RNF187: variants seen among roughly 807,000 people sequenced by gnomAD.
RNF187 encodes the protein ring finger protein 187, also known as E3 ubiquitin-protein ligase RNF187.
In RNF187, 18 loss-of-function variants were observed where a neutral mutation model predicts 22.2. The ratio of observed to expected loss-of-function variants is 0.81; its 90% CI spans 0.56 to 1.20. The LOEUF (loss-of-function observed/expected upper bound fraction) is 1.20. RNF187 is among the 50% of genes most tolerant of loss of function. The pLI is 0.00. For synonymous variants in RNF187, 164 were observed against 140.9 expected (o/e 1.16, Z -1.16); for missense variants, 329 against 317.6 (o/e 1.04, Z -0.27).
At position 228,493,075 on chromosome 1, in the gene RNF187, A is replaced by C; in HGVS notation, c.506A>C (p.Lys169Thr). ...CAGGGACACGTGATGGACCGTAGGA[A>C]GAAGGCACTGACCGACTACAAGAAG... The change falls in exon 3 of 4, where the codon AAG becomes ACG. Residue 169 changes from lysine to threonine, a missense_variant. Coordinates refer to ENST00000305943, the MANE Select transcript of RNF187 (RefSeq NM_001010858.3). This position sits in a 1 kb window ranked among gnomAD's most constrained non-coding sequence, Gnocchi z 4.7. The C allele has an allele frequency of 6.4e-7, 1 of 1,550,756 alleles. No homozygotes were observed. The highest frequency in any genetic ancestry group is 1.2e-5 in the South Asian group (1 of 83,982).
chr1:228,493,288 G>T lies in RNF187; in HGVS notation c.705+14G>T. ...ATGCTGCTGCAGGTGCGGGAGCCCC[G>T]CTGGGTCTGCCCACCATCGGGCCAG... On this transcript the variant is annotated intron_variant, in intron 3 of 3. Coordinates refer to ENST00000305943, the MANE Select transcript of RNF187 (RefSeq NM_001010858.3). The surrounding 1 kb of genome is among the most constrained non-coding windows in gnomAD (Gnocchi z 4.7). The T allele has an allele frequency of 1.3e-6, 2 of 1,546,090 alleles. No homozygotes were observed. The highest frequency in any genetic ancestry group is 1.7e-6 in the Non-Finnish European group (2 of 1,144,786).
chr1:228,492,915 G>T, intron 2 of RNF187, 138 bp from the exon 3 acceptor site: 1 of 946,348 alleles, frequency 1.1e-6, no homozygotes, highest in Non-Finnish European at 1.6e-6. Context: ...GAGCCACTGT[G>T]CCTGGCCTAA....
At position 228,493,678 on chromosome 1, in the gene RNF187, C is replaced by A; in HGVS notation, c.706-205C>A. Among the ~76,000 whole-genome samples the A allele has an allele frequency of 2.4e-3, 370 of 152,302 alleles. 3 individuals carry two copies. Among genetic ancestry groups the A allele is most frequent in the African/African-American group, 8.3e-3 (347 of 41,572 alleles). The stretch of plus-strand genomic sequence containing the variant: ...AGATGGCCCTGAACGGTTCAGTTGC[C>A]CGTGCCAGCCATAGGTGACAAGGCT... On this transcript the variant is annotated intron_variant, in intron 3 of 3. Transcript: ENST00000305943. The surrounding 1 kb of genome is among the most constrained non-coding windows in gnomAD (Gnocchi z 4.7).
intron 2 of RNF187, among the ~76,000 whole-genome samples, chr1:228,491,589 C>T: frequency 5.3e-5 from 8 of 151,878 alleles, no homozygotes; most frequent in Non-Finnish European, 8.8e-5. Flanking sequence ...TACAGGTGTG[C>T]ACCACCACGC....
chr1:228,487,638 C>T lies in RNF187; in HGVS notation c.150C>T (p.Pro50=). The change falls in exon 1 of 4, where the codon CCC becomes CCT. Residue 50 remains proline (P), a synonymous_variant. Coordinates refer to ENST00000305943, the MANE Select transcript of RNF187 (RefSeq NM_001010858.3). ...AGGAGGACGGGCCCTTCCCGTGCCC[C>T]GAGTGCGCCGACGACTGCTGGCAGC... 1.7e-6 allele frequency: 2 copies of T among 1,193,862 alleles called. No individual in the cohort carries two copies. The highest frequency in any genetic ancestry group is 1.1e-6 in the Non-Finnish European group (1 of 951,042). 74.0% of individuals were successfully genotyped at this position (1,193,862 alleles called of 1,614,324 possible).
intron 2 of RNF187, 84 bp downstream of exon 2, chr1:228,489,136 GC>G: frequency 8.5e-7 from 1 of 1,180,196 alleles, no homozygotes; most frequent in Non-Finnish European, 1.2e-6. Flanking sequence ...GGCCAAGTGG[GC>G]CAGGCCTCTG....
Position 228,495,745 on chromosome 1 carries a change from T to G in RNF187, c.*1860T>G. 1.2e-5 allele frequency: 12 copies of G among 984,962 alleles called. No individual in the cohort carries two copies. The highest frequency in any genetic ancestry group is 1.4e-5 in the Non-Finnish European group (12 of 829,460). 61.0% of individuals were successfully genotyped at this position (984,962 alleles called of 1,614,324 possible). On this transcript the variant is annotated 3_prime_UTR_variant, in exon 4 of 4. Coordinates refer to ENST00000305943, the MANE Select transcript of RNF187 (RefSeq NM_001010858.3). ...ACAACCTCTTTCTATTTAAGAAAAT[T>G]ATATATTTATGGGGCACAGTGTGAT...
chr1:228,494,897 G>C lies in RNF187; in HGVS notation c.*1012G>C. 1 of 985,318 alleles carries C rather than the reference G, an allele frequency of 1.0e-6. No individual in the cohort carries two copies. Among genetic ancestry groups the C allele is most frequent in the Non-Finnish European group, 1.2e-6 (1 of 829,990 alleles). The allele number at this position is 985,318 out of a possible 1,614,324, so 61.0% of individuals were successfully genotyped here. ...CAGCCCTTCTGAGTCCCCGGCCCTTGGTGCGATGTCTGTGAGTTTGACCTG... is the reference window on the plus strand; with the variant it reads ...CAGCCCTTCTGAGTCCCCGGCCCTTCGTGCGATGTCTGTGAGTTTGACCTG... On this transcript the variant is annotated 3_prime_UTR_variant, in exon 4 of 4. Transcript: ENST00000305943.
At chr1:228,492,656 C>T in intron 2 of RNF187, among the ~76,000 whole-genome samples, 12 of 114,230 alleles carry the variant, frequency 1.1e-4, no homozygotes, top group Admixed American at 2.2e-4. Flanking sequence ...GATGGAGTCT[C>T]GCTCTGTCGC....
At position 228,487,745 on chromosome 1, in the gene RNF187, G is replaced by T; in HGVS notation, c.257G>T (p.Gly86Val). 1 of 1,033,804 alleles carries T rather than the reference G, an allele frequency of 9.7e-7. No homozygotes were observed. The highest frequency in any genetic ancestry group is 1.2e-6 in the Non-Finnish European group (1 of 863,364). 64.0% of individuals were successfully genotyped at this position (1,033,804 alleles called of 1,614,324 possible). ...GCGGCCGCGGCGCCCGCGCGCGACG[G>T]CCCGGCCAGCGAGGCCGCGCTGCAG... The change falls in exon 1 of 4, where the codon GGC becomes GTC. Residue 86 changes from glycine (G) to valine (V), a missense_variant. Gly to Val is a moderately radical substitution (Grantham distance 109). Coordinates refer to ENST00000305943, the MANE Select transcript of RNF187 (RefSeq NM_001010858.3).
intron 2 of RNF187, among the ~76,000 whole-genome samples, chr1:228,490,914 C>T: frequency 3.3e-5 from 5 of 152,340 alleles, no homozygotes; most frequent in East Asian, 1.9e-4. Context: ...CTGACAGTCA[C>T]GTGCCTGACA....
Position 228,487,857 on chromosome 1 carries a change from G to C in RNF187, c.369G>C (p.Trp123Cys). 6.5e-6 allele frequency: 8 copies of C among 1,231,276 alleles called. No homozygotes were observed. The highest frequency in any genetic ancestry group is 8.1e-6 in the Non-Finnish European group (8 of 981,726). The allele number at this position is 1,231,276 out of a possible 1,614,324, so 76.3% of individuals were successfully genotyped here. Residue 123 changes from tryptophan to cysteine, a missense_variant, in exon 1 of 4, where the codon TGG becomes TGC. Transcript: ENST00000305943. The stretch of plus-strand genomic sequence containing the variant: ...AGCCGCCCGAGTGGGAACCGCGCTG[G>C]AGGAAGGCGCTGCGCGGCAAGGTGC...
chr1:228,489,086 G>A, intron 2 of RNF187, 34 bp downstream of exon 2: 2 of 1,505,082 alleles, frequency 1.3e-6, no homozygotes, highest in South Asian at 2.4e-5. Flanking sequence ...CCTGGAATGA[G>A]GGGACTGTGG....
chr1:228,494,040 C>T lies in RNF187; in HGVS notation c.*155C>T. The T allele has an allele frequency of 1.3e-6, 2 of 1,536,032 alleles. No individual in the cohort carries two copies. The highest frequency in any genetic ancestry group is 1.4e-5 in the African/African-American group (1 of 72,892). On this transcript the variant is annotated 3_prime_UTR_variant, in exon 4 of 4. Coordinates refer to ENST00000305943, the MANE Select transcript of RNF187 (RefSeq NM_001010858.3). ...CGTGTTTCAACAATGTCCATTTATC[C>T]TTCACCCCGAGGCGTGTTTTGGGGG...
At chr1:228,488,886 T>C in intron 1 of RNF187, 74 bp from the exon 2 acceptor site, 1 of 1,169,464 alleles carries the variant, frequency 8.6e-7, no homozygotes, top group South Asian at 1.3e-5. Flanking sequence ...GCTGGGGTGA[T>C]GTCCCTCAGT....
chr1:228,489,567 T>TA lies in RNF187; in HGVS notation c.483+516dup. Among the ~76,000 whole-genome samples, 1,031 of 152,242 alleles carry TA rather than the reference T, an allele frequency of 6.8e-3. 11 individuals carry two copies. The highest frequency in any genetic ancestry group is 0.022 in the African/African-American group (929 of 41,486). On this transcript the variant is annotated intron_variant, in intron 2 of 3. Coordinates refer to ENST00000305943, the MANE Select transcript of RNF187 (RefSeq NM_001010858.3). Reference sequence around the variant, plus strand: ...CTCCCGCCTTGGCCTCCCAAAGTGCTATTTTTTTTTTCTTTTTTAGAACAC... The same window carrying TA: ...CTCCCGCCTTGGCCTCCCAAAGTGCTAATTTTTTTTTTCTTTTTTAGAACAC...
At chr1:228,491,844 A>AGAC in intron 2 of RNF187, among the ~76,000 whole-genome samples, 1 of 152,224 alleles carries the variant, frequency 6.6e-6, no homozygotes, top group South Asian at 2.1e-4. Flanking sequence ...ACTTGGACAA[A>AGAC]GACTAGCCAC....
At chr1:228,491,519 C>T in intron 2 of RNF187, among the ~76,000 whole-genome samples, 1 of 151,596 alleles carries the variant, frequency 6.6e-6, no homozygotes, top group Non-Finnish European at 1.5e-5. Context: ...TGCCTCACTG[C>T]ATCCTCCACC....
At position 228,494,087 on chromosome 1, in the gene RNF187, G is replaced by A; in HGVS notation, c.*202G>A. On this transcript the variant is annotated 3_prime_UTR_variant, in exon 4 of 4. Coordinates refer to ENST00000305943, the MANE Select transcript of RNF187 (RefSeq NM_001010858.3). ...GGGGCTGCAAACACCTCCCGGTAGA[G>A]GCTGGACCTGAGGACCCTTCCCACC... The A allele has an allele frequency of 6.8e-7, 1 of 1,477,494 alleles. No homozygotes were observed. The highest frequency in any genetic ancestry group is 9.0e-7 in the Non-Finnish European group (1 of 1,115,692). The allele number at this position is 1,477,494 out of a possible 1,614,324, so 91.5% of individuals were successfully genotyped here.
Sources: allele counts gnomAD v4.1 joint callset (sites outside exome capture counted in the v4.1 genomes callset), GRCh38; gene constraint gnomAD v4.1.1; non-coding constraint Gnocchi (gnomAD v3.1); transcripts MANE v1.5; gene names NCBI Gene and HGNC (gene_info 2026-07-23, HGNC 2026-07-21).